SEL1L2: variants seen among roughly 807,000 people sequenced by gnomAD.
The protein encoded by SEL1L2 is SEL1L2 adaptor subunit of SYVN1 ubiquitin ligase.
In SEL1L2, 89 loss-of-function variants were observed where a neutral mutation model predicts 98.8. The ratio of observed to expected loss-of-function variants is 0.90; its 90% confidence interval spans 0.76 to 1.07. The LOEUF (loss-of-function observed/expected upper bound fraction) is 1.07. Ranked by LOEUF, SEL1L2 falls within the 50% of genes least tolerant of loss-of-function variation. The probability of loss-of-function intolerance (pLI) is 0.00; values close to 1 mark genes in which losing one functional copy is unlikely to be tolerated. For synonymous variants in SEL1L2, 262 were observed against 278.5 expected (o/e 0.94, Z 0.59); for missense variants, 788 against 812.0 (o/e 0.97, Z 0.36).
chr20:13,889,902 A>G (rs1025287917), intron 5 of SEL1L2, among the ~76,000 whole-genome samples: 3 of 152,242 alleles, frequency 2.0e-5, no homozygotes, highest in Non-Finnish European at 4.4e-5. Flanking sequence ...ACAGAATAAA[A>G]AAATCAAAGG....
chr20:13,939,869 G>A (rs1427082160), intron 2 of SEL1L2, among the ~76,000 whole-genome samples: 1 of 152,158 alleles, frequency 6.6e-6, no homozygotes, highest in Non-Finnish European at 1.5e-5. Flanking sequence ...GTTTCGCCAT[G>A]TTGGCCAGGC....
At chr20:13,991,432 C>A (rs1418863101), upstream of SEL1L2, among the ~76,000 whole-genome samples, 1 of 152,164 alleles carries the variant, frequency 6.6e-6, no homozygotes, top group Non-Finnish European at 1.5e-5. Flanking sequence ...GACCAGAATT[C>A]CAAAACCATT....
intron 1 of SEL1L2, among the ~76,000 whole-genome samples, chr20:13,985,679 G>T (rs906177392): frequency 1.3e-5 from 2 of 152,034 alleles, no homozygotes; most frequent in African/African-American, 2.4e-5. Flanking sequence ...TTTCATTAAA[G>T]ATTTATTTTC....
At chr20:13,925,391 G>A (rs1342890653) in intron 3 of SEL1L2, among the ~76,000 whole-genome samples, 2 of 152,214 alleles carry the variant, frequency 1.3e-5, no homozygotes, top group Non-Finnish European at 2.9e-5. Context: ...ATCCAAATCT[G>A]TATGAGGGTC....
chr20:13,945,884 C>A (rs1430380055), intron 2 of SEL1L2, among the ~76,000 whole-genome samples: 1 of 152,000 alleles, frequency 6.6e-6, no homozygotes, highest in Non-Finnish European at 1.5e-5. Context: ...CAAAATTTGA[C>A]ATGCTTTTGT....
At chr20:13,924,982 T>C (rs11696274) in intron 3 of SEL1L2, among the ~76,000 whole-genome samples, 37,597 of 151,712 alleles carry the variant, frequency 0.25, 4,933 homozygotes, top group Middle Eastern at 0.36. Flanking sequence ...CTACTAAAAA[T>C]ATAAAAATTA....
chr20:13,951,276 C>CAA (rs764034768), intron 2 of SEL1L2, among the ~76,000 whole-genome samples: 954 of 25,310 alleles, frequency 0.038, 92 homozygotes, highest in Middle Eastern at 0.071. Flanking sequence ...GACTCCGTCT[C>CAA]AAAAAAAAAA....
At chr20:13,876,016 C>A (rs1280160726) in intron 12 of SEL1L2, 22 bp downstream of exon 12, 1 of 1,585,202 alleles carries the variant, frequency 6.3e-7, no homozygotes, top group South Asian at 1.1e-5. Context: ...TATGTGTTTA[C>A]AACAGTGCAT....
At chr20:13,863,470 T>C (rs899135011) in intron 17 of SEL1L2, among the ~76,000 whole-genome samples, 13 of 152,160 alleles carry the variant, frequency 8.5e-5, no homozygotes, top group Non-Finnish European at 1.6e-4. Context: ...GACTGAGTCC[T>C]GATGGTTCAG....
intron 1 of SEL1L2, among the ~76,000 whole-genome samples, chr20:13,979,156 G>A (rs2051689505): frequency 6.6e-6 from 1 of 152,212 alleles, no homozygotes; most frequent in Non-Finnish European, 1.5e-5. Context: ...GTCAGGCACA[G>A]AAAGACAAAC....
At chr20:13,908,013 C>T (rs2048042433) in intron 5 of SEL1L2, among the ~76,000 whole-genome samples, 1 of 151,072 alleles carries the variant, frequency 6.6e-6, no homozygotes, top group African/African-American at 2.4e-5. Context: ...TCTTGAACTC[C>T]TGGGCTCAAG....
upstream of SEL1L2, among the ~76,000 whole-genome samples, chr20:13,994,503 A>G (rs368442162): frequency 1.3e-4 from 20 of 152,086 alleles, no homozygotes; most frequent in African/African-American, 4.1e-4. Context: ...CAAGTACCCA[A>G]ACTGCCAAAT....
chr20:13,875,468 C>G (rs1183992048), intron 12 of SEL1L2, among the ~76,000 whole-genome samples: 1 of 152,220 alleles, frequency 6.6e-6, no homozygotes, highest in Non-Finnish European at 1.5e-5. Flanking sequence ...GGCTAAGTAA[C>G]TTGCCCTTGT....
chr20:13,932,131 C>T (rs565088808), intron 2 of SEL1L2, among the ~76,000 whole-genome samples: 1 of 152,034 alleles, frequency 6.6e-6, no homozygotes, highest in Non-Finnish European at 1.5e-5. Flanking sequence ...TTGATATTGC[C>T]TTACACATTA....
At chr20:13,888,227 TTAATCATCATAATTTCCTTATGAAGCA>T (rs1170093207) in intron 6 of SEL1L2, among the ~76,000 whole-genome samples, 1 of 152,220 alleles carries the variant, frequency 6.6e-6, no homozygotes, top group African/African-American at 2.4e-5. Context: ...GATATTTCAT[TTAATCATCATAATTTCCTTATGAAGCA>T]GATATTATCT....
intron 1 of SEL1L2, among the ~76,000 whole-genome samples, chr20:13,976,013 T>TTTG (rs2051515624): frequency 6.6e-6 from 1 of 151,712 alleles, no homozygotes; most frequent in Non-Finnish European, 1.5e-5. Context: ...TGTTTGTTTG[T>TTTG]TTGTTTTGAG....
In SEL1L2 at chr20:13,870,206, A is replaced by G. The variant is rs1211064252; in HGVS notation, c.1105-3T>C. On this transcript the variant is annotated splice_polypyrimidine_tract_variant and splice_region_variant and intron_variant, in intron 12 of 19. Coordinates refer to ENST00000284951, the MANE Select transcript of SEL1L2 (RefSeq NM_025229.2). ...CCATGAAGGCCGATTGCATTGCCCT[A>G]GAAGAGTTTTATAAAGCCAAGTAAA... is the stretch of plus-strand genomic sequence containing the variant. 6.2e-7 allele frequency: 1 copy of G among 1,605,622 alleles called. No homozygotes were observed. The highest frequency in any genetic ancestry group is 8.5e-7 in the Non-Finnish European group (1 of 1,175,746).
intron 5 of SEL1L2, among the ~76,000 whole-genome samples, chr20:13,909,506 C>T (rs550325442): frequency 6.6e-6 from 1 of 151,858 alleles, no homozygotes; most frequent in Non-Finnish European, 1.5e-5. Context: ...AGCTATAGTG[C>T]CGGGAGCAGG....
At chr20:13,972,054 GACACACACAC>G (rs949291507) in intron 1 of SEL1L2, among the ~76,000 whole-genome samples, 1 of 151,264 alleles carries the variant, frequency 6.6e-6, no homozygotes. Context: ...TGTGTGTGAG[GACACACACAC>G]ACACGCCCTC....
Sources: gnomAD v4.1 joint callset for allele counts (sites outside exome capture counted in the v4.1 genomes callset) on GRCh38, gnomAD v4.1.1 for gene constraint, MANE v1.5 for transcripts, NCBI Gene and HGNC (gene_info 2026-07-23, HGNC 2026-07-21) for gene names.